Variants in STX2 observed in about 807,000 individuals in gnomAD.
STX2 encodes the protein syntaxin-2.
STX2 carries 27 observed loss-of-function variants against 40.6 expected under a neutral mutation model. The observed-to-expected ratio is 0.66, with a 90% CI of 0.49 to 0.92. STX2 has a LOEUF of 0.92. Ranked by LOEUF, STX2 falls within the 40% of genes least tolerant of loss-of-function variation. The pLI, the probability that STX2 is intolerant of heterozygous loss-of-function variation, is 0.00. For missense variants in STX2, 328 were observed against 366.1 expected, an observed-to-expected ratio of 0.90 and a Z score of 0.85; for synonymous variants, 123 against 119.1, an observed-to-expected ratio of 1.03 and a Z score of -0.22.
intron 8 of STX2, 93 bp downstream of exon 8, chr12:130,801,060 T>C: frequency 7.1e-7 from 1 of 1,404,820 alleles, no homozygotes; most frequent in Non-Finnish European, 9.5e-7. Flanking sequence ...AAATAACAGC[T>C]TTCCTAGATA....
At chr12:130,795,962 G>C in intron 10 of STX2, 33 bp downstream of exon 10, 1 of 1,580,810 alleles carries the variant, frequency 6.3e-7, no homozygotes, top group Non-Finnish European at 8.6e-7. Context: ...AATTGCAAAA[G>C]TTAATAAGTA....
At chr12:130,813,928 G>A (rs1321097093) in intron 3 of STX2, among the ~76,000 whole-genome samples, 3 of 152,188 alleles carry the variant, frequency 2.0e-5, no homozygotes, top group African/African-American at 2.4e-5. Flanking sequence ...CGCATCAGCC[G>A]GGGAAAAGGC....
rs553734483 is a variant in STX2, at chr12:130,811,711, T to C, written c.280+1246A>G. The stretch of plus-strand genomic sequence containing the variant: ...CCCGCCACTGCGCCCAGCTAATTTT[T>C]TGTATTTTTAGTAGAGACGGGGTTT... On this transcript the variant is annotated intron_variant, in intron 4 of 10. Coordinates refer to ENST00000392373, the MANE Select transcript of STX2 (RefSeq NM_194356.4). Among the ~76,000 whole-genome samples the C allele has an allele frequency of 7.9e-5, 12 of 152,108 alleles. 1 individual carries two copies. The South Asian group carries it at 2.5e-3, about 32-fold the overall frequency.
At chr12:130,821,529 T>C (rs118006049) in intron 3 of STX2, among the ~76,000 whole-genome samples, 160 bp downstream of exon 3, 2,329 of 151,856 alleles carry the variant, frequency 0.015, 23 homozygotes, top group Non-Finnish European at 0.023. Context: ...ACAGATGCCC[T>C]GGCTCGCCCC....
chr12:130,818,177 AAAAAAAAAAT>A (rs1951936635), intron 3 of STX2, among the ~76,000 whole-genome samples: 1 of 17,392 alleles, frequency 5.7e-5, no homozygotes, highest in African/African-American at 1.7e-4. Flanking sequence ...CTACAAAAAA[AAAAAAAAAAT>A]ATATATATAT....
At chr12:130,793,126 C>A (rs528649640) in intron 10 of STX2, among the ~76,000 whole-genome samples, 2 of 152,256 alleles carry the variant, frequency 1.3e-5, no homozygotes, top group African/African-American at 4.8e-5. Flanking sequence ...CCAAGACTGC[C>A]GGCTCAGTCA....
chr12:130,832,766 C>T (rs368330114), intron 1 of STX2, among the ~76,000 whole-genome samples: 8 of 152,316 alleles, frequency 5.3e-5, no homozygotes, highest in Middle Eastern at 3.4e-3. Flanking sequence ...GTCTCACCTC[C>T]GCCCACTGCT....
intron 4 of STX2, chr12:130,810,706 T>C (rs866890481): frequency 6.6e-6 from 1 of 152,244 alleles, no homozygotes; most frequent in Non-Finnish European, 1.5e-5. Flanking sequence ...TTTAAATCCA[T>C]GTGTTCACGA....
Position 130,835,655 on chromosome 12 carries a change from C to T in STX2, c.30+3415G>A, listed in dbSNP as rs185972008. ...CCCAGGCTGCATGCATCCCCACCCA[C>T]GCTCAGTTCACTGCTGTGTCTCTCT... On this transcript the variant is annotated intron_variant, in intron 1 of 10. Coordinates refer to ENST00000392373, the MANE Select transcript of STX2 (RefSeq NM_194356.4). Among the ~76,000 whole-genome samples the T allele has an allele frequency of 7.0e-3, 1,066 of 152,308 alleles. 6 individuals carry two copies. Among genetic ancestry groups the T allele is most frequent in the Non-Finnish European group, 0.012 (800 of 68,028 alleles).
rs556846069 is a variant in STX2, at chr12:130,836,438, G to T, written c.30+2632C>A. On this transcript the variant is annotated intron_variant, in intron 1 of 10. Coordinates refer to ENST00000392373, the MANE Select transcript of STX2 (RefSeq NM_194356.4). ...GGCATGCACCACTACACCTGGCTGA[G>T]TTTTTGTATGTTTTTTGTAAAGACA... 9.9e-5 allele frequency among the ~76,000 whole-genome samples: 15 copies of T among 151,976 alleles called. No homozygotes were observed. In the South Asian group the frequency reaches 2.3e-3, roughly 23 times the overall value.
intron 3 of STX2, 146 bp from the exon 4 acceptor site, chr12:130,813,177 G>C (rs1221063169): frequency 4.1e-6 from 2 of 490,258 alleles, no homozygotes; most frequent in African/African-American, 4.1e-5. Context: ...TTATACCAGT[G>C]GTTCTCAAGG....
Position 130,791,995 on chromosome 12 carries a change from A to G in STX2, c.*46-18T>C, listed in dbSNP as rs548426594. Reference sequence around the variant, plus strand: ...ATCAATTTCTGCAAGATAAAGAAAAACATTAATTTGCAATGTATCAAAGAA... The same window carrying G: ...ATCAATTTCTGCAAGATAAAGAAAAGCATTAATTTGCAATGTATCAAAGAA... On this transcript the variant is annotated intron_variant, in intron 10 of 10. Transcript: ENST00000392373. The G allele has an allele frequency of 6.5e-7, 1 of 1,547,660 alleles. No individual in the cohort carries two copies. The highest frequency in any genetic ancestry group is 8.9e-7 in the Non-Finnish European group (1 of 1,123,008).
At chr12:130,833,956 A>G (rs778496091) in intron 1 of STX2, among the ~76,000 whole-genome samples, 2 of 152,226 alleles carry the variant, frequency 1.3e-5, no homozygotes, top group Non-Finnish European at 2.9e-5. Flanking sequence ...AGGCTGAAGC[A>G]CTGGGGGAAG....
At chr12:130,796,776 A>G (rs1593112380) in intron 9 of STX2, among the ~76,000 whole-genome samples, 1 of 152,132 alleles carries the variant, frequency 6.6e-6, no homozygotes, top group Admixed American at 6.5e-5. Context: ...CTGCCTCGTC[A>G]TGAAGCCCCG....
chr12:130,828,754 G>A (rs893392712), intron 1 of STX2, among the ~76,000 whole-genome samples: 1 of 151,502 alleles, frequency 6.6e-6, no homozygotes, highest in African/African-American at 2.4e-5. Flanking sequence ...TGTAGTCCCA[G>A]CTACTCGGGA....
intron 1 of STX2, among the ~76,000 whole-genome samples, chr12:130,834,606 T>A (rs1346925445): frequency 6.6e-6 from 1 of 152,118 alleles, no homozygotes; most frequent in Non-Finnish European, 1.5e-5. Context: ...AAACAAGAAG[T>A]GATTAATCTG....
At chr12:130,832,043 G>T (rs1565939263) in intron 1 of STX2, among the ~76,000 whole-genome samples, 1 of 151,780 alleles carries the variant, frequency 6.6e-6, no homozygotes, top group Non-Finnish European at 1.5e-5. Flanking sequence ...GATGAGGTCT[G>T]GCCATGTGGC....
At chr12:130,832,035 T>C (rs1191701947) in intron 1 of STX2, among the ~76,000 whole-genome samples, 2 of 152,238 alleles carry the variant, frequency 1.3e-5, no homozygotes, top group East Asian at 3.9e-4. Context: ...TTTTTAGAGA[T>C]GAGGTCTGGC....
chr12:130,813,731 G>A (rs1367739037), intron 3 of STX2, among the ~76,000 whole-genome samples: 2 of 152,206 alleles, frequency 1.3e-5, no homozygotes, highest in African/African-American at 4.8e-5. Flanking sequence ...CAGGGAGGGT[G>A]GCAGGATGTC....
Sources: allele counts gnomAD v4.1 joint callset (sites outside exome capture counted in the v4.1 genomes callset), GRCh38; gene constraint gnomAD v4.1.1; transcripts MANE v1.5; gene names NCBI Gene and HGNC (gene_info 2026-07-23, HGNC 2026-07-21).